The following XKR9 variants were observed in gnomAD, a reference collection of about 807,000 sequenced individuals.
The protein encoded by XKR9 is XK-related protein 9.
In XKR9, 32 loss-of-function variants were observed where a neutral mutation model predicts 32.0. The observed-to-expected ratio is 1.00, with a 90% confidence interval of 0.76 to 1.34. The LOEUF (loss-of-function observed/expected upper bound fraction) is 1.34, where lower values mean the gene tolerates loss of function less well. XKR9 is among the 40% of genes most tolerant of loss of function. The probability of loss-of-function intolerance (pLI) is 0.00; values close to 1 mark genes in which losing one functional copy is unlikely to be tolerated. For missense variants in XKR9, 546 were observed against 429.7 expected (o/e 1.27, Z -2.39); for synonymous variants, 168 against 143.4 (o/e 1.17, Z -1.22).
chr8:70,717,143 G>C (rs565814673), intron 4 of XKR9, among the ~76,000 whole-genome samples: 1 of 152,296 alleles, frequency 6.6e-6, no homozygotes, highest in Admixed American at 6.5e-5. Flanking sequence ...CCCACTCCAG[G>C]CTGCTTTCCT....
At chr8:70,699,470 G>T (rs945173204) in intron 3 of XKR9, among the ~76,000 whole-genome samples, 2 of 151,998 alleles carry the variant, frequency 1.3e-5, no homozygotes, top group Non-Finnish European at 2.9e-5. Context: ...ATGAATTTCT[G>T]GGTTGAAAAT....
the XKR9 span, among the ~76,000 whole-genome samples, chr8:70,802,948 T>C: frequency 1.3e-5 from 2 of 152,230 alleles, no homozygotes; most frequent in Non-Finnish European, 2.9e-5. Flanking sequence ...GTCTCTTGTA[T>C]AGTATCTCAT....
the XKR9 span, among the ~76,000 whole-genome samples, chr8:70,953,472 C>T: frequency 1.2e-4 from 19 of 152,124 alleles, no homozygotes; most frequent in Middle Eastern, 3.4e-3. Context: ...CCACCGTGCC[C>T]GGCTAATTTT....
At chr8:70,951,423 C>G in the XKR9 span, among the ~76,000 whole-genome samples, 1 of 152,226 alleles carries the variant, frequency 6.6e-6, no homozygotes, top group African/African-American at 2.4e-5. Context: ...TCATGGCCAG[C>G]TGAAACCATC....
At chr8:70,884,699 T>G in the XKR9 span, among the ~76,000 whole-genome samples, 2 of 152,308 alleles carry the variant, frequency 1.3e-5, no homozygotes, top group South Asian at 4.1e-4. Context: ...TGGCTATATT[T>G]GTGTGGGTCT....
chr8:70,903,735 T>C, the XKR9 span, among the ~76,000 whole-genome samples: 3 of 152,206 alleles, frequency 2.0e-5, no homozygotes, highest in Non-Finnish European at 4.4e-5. Context: ...GATGTTAAGG[T>C]TTCAATTTTA....
At chr8:71,008,988 C>G in the XKR9 span, among the ~76,000 whole-genome samples, 4 of 152,236 alleles carry the variant, frequency 2.6e-5, no homozygotes, top group Non-Finnish European at 4.4e-5. Context: ...TTTTTAAACA[C>G]AATAAAGTTT....
At chr8:70,860,434 C>T in the XKR9 span, among the ~76,000 whole-genome samples, 1 of 152,046 alleles carries the variant, frequency 6.6e-6, no homozygotes, top group Admixed American at 6.6e-5. Flanking sequence ...CAGCCTTCTC[C>T]AGAACTATGA....
chr8:71,062,500 C>T, the XKR9 span, among the ~76,000 whole-genome samples: 7 of 152,232 alleles, frequency 4.6e-5, no homozygotes, highest in South Asian at 8.3e-4. Flanking sequence ...TAATACCTTG[C>T]GGGTTGAGAT....
the XKR9 span, among the ~76,000 whole-genome samples, chr8:70,892,885 G>A: frequency 5.9e-5 from 9 of 152,062 alleles, no homozygotes; most frequent in Non-Finnish European, 1.3e-4. Flanking sequence ...TATCTTTCCC[G>A]AGACTTGGGA....
At chr8:70,976,035 T>G in the XKR9 span, among the ~76,000 whole-genome samples, 1 of 152,218 alleles carries the variant, frequency 6.6e-6, no homozygotes, top group Admixed American at 6.5e-5. Context: ...ATGATTTGGC[T>G]CTCTGTTTGT....
chr8:71,043,922 T>A, the XKR9 span, among the ~76,000 whole-genome samples: 16 of 152,266 alleles, frequency 1.1e-4, no homozygotes, highest in African/African-American at 3.6e-4. Context: ...AAAATGAAAC[T>A]TTCAGACCTG....
chr8:70,921,728 G>A, the XKR9 span, among the ~76,000 whole-genome samples: 1 of 152,142 alleles, frequency 6.6e-6, no homozygotes, highest in South Asian at 2.1e-4. Context: ...AGGAGCGGCT[G>A]GCAGGCTTTC....
At position 70,716,552 on chromosome 8, in the gene XKR9, A is replaced by C. The variant is rs989305806; in HGVS notation, c.493+9399A>C. On this transcript the variant is annotated intron_variant, in intron 4 of 4. Transcript: ENST00000408926. ...GGGAAGCCCCTTATAAAACCATCAG[A>C]TCTTGTGAGAACCTACTATCACGAG... Among the ~76,000 whole-genome samples the C allele has an allele frequency of 2.0e-5, 3 of 152,208 alleles. No individual in the cohort carries two copies. The Middle Eastern group carries it at 0.01, about 518-fold the overall frequency.
At chr8:71,032,293 A>C in the XKR9 span, among the ~76,000 whole-genome samples, 6 of 150,710 alleles carry the variant, frequency 4.0e-5, no homozygotes, top group East Asian at 1.9e-4. Context: ...AAAAAAAAAA[A>C]AAAAAAAAAA....
chr8:70,930,079 G>A, the XKR9 span, among the ~76,000 whole-genome samples: 1 of 152,184 alleles, frequency 6.6e-6, no homozygotes, highest in Admixed American at 6.5e-5. Context: ...TGAACTTGTA[G>A]TGGGTAGAAT....
At chr8:70,745,582 C>T (rs560315381) in intron 2 of XKR9, among the ~76,000 whole-genome samples, 35 of 152,106 alleles carry the variant, frequency 2.3e-4, no homozygotes, top group Non-Finnish European at 4.1e-4. Context: ...TTGAAATTTG[C>T]GTGTTTAAAA....
intron 2 of XKR9, among the ~76,000 whole-genome samples, chr8:70,785,737 C>A (rs201323352): frequency 0.077 from 8,916 of 115,264 alleles, 281 homozygotes; most frequent in Middle Eastern, 0.096. Flanking sequence ...CTCTCTCTCT[C>A]TCTATATATA....
At chr8:70,873,061 G>A in the XKR9 span, among the ~76,000 whole-genome samples, 2 of 152,158 alleles carry the variant, frequency 1.3e-5, no homozygotes, top group Non-Finnish European at 2.9e-5. Context: ...CTCTAGAAAT[G>A]GAAGAGCAAA....
Sources: allele counts gnomAD v4.1 joint callset (sites outside exome capture counted in the v4.1 genomes callset), GRCh38; gene constraint gnomAD v4.1.1; transcripts MANE v1.5; gene names NCBI Gene and HGNC (gene_info 2026-07-23, HGNC 2026-07-21).